Variants in GNAS observed in about 807,000 individuals in gnomAD.
GNAS encodes protein ALEX.
A neutral mutation model predicts 54.5 loss-of-function variants in GNAS; 8 were observed. The ratio of observed to expected loss-of-function variants is 0.15; its 90% CI spans 0.09 to 0.26. The LOEUF is 0.26. Ranked by LOEUF, GNAS falls within the 10% of genes least tolerant of loss-of-function variation. GNAS has a pLI of 1.00. For synonymous variants in GNAS, 204 were observed against 191.4 expected (o/e 1.07, Z -0.54); for missense variants, 170 against 529.8 (o/e 0.32, Z 6.67).
At chr20:58,902,752 T>TTTTTTTTTTC (rs1416078298) in intron 3 of GNAS, among the ~76,000 whole-genome samples, 1 of 128,204 alleles carries the variant, frequency 7.8e-6, no homozygotes, top group Non-Finnish European at 1.7e-5. Flanking sequence ...TTTTTTTTTT[T>TTTTTTTTTTC]TGACAGAGTC....
intron 1 of GNAS, among the ~76,000 whole-genome samples, chr20:58,871,699 GAGAA>G (rs1489831165): frequency 3.3e-4 from 46 of 139,704 alleles, no homozygotes; most frequent in African/African-American, 1.2e-3. Context: ...AAAGGAAAGA[GAGAA>G]GGAAGGAAGA....
intron 1 of GNAS, chr20:58,864,261 C>T (rs905020595): frequency 1.3e-5 from 2 of 152,072 alleles, no homozygotes; most frequent in Admixed American, 6.5e-5. Flanking sequence ...CATCTGTGTC[C>T]GAGGGATTTA....
In GNAS at chr20:58,891,539, C is replaced by A. The variant is rs1391782773; in HGVS notation, c.-188C>A. On this transcript the variant is annotated 5_prime_UTR_variant, in exon 1 of 13. Coordinates refer to ENST00000371085, the MANE Select transcript of GNAS (RefSeq NM_000516.7). ...GCCCCTCGGTCCGACCGACACCCTC[C>A]CCTTCCCGCCCGTCCGCGCGCCCCG... 2 of 976,258 alleles carry A rather than the reference C, an allele frequency of 2.0e-6. No individual in the cohort carries two copies. The highest frequency in any genetic ancestry group is 1.2e-6 in the Non-Finnish European group (1 of 824,742). The allele number at this position is 976,258 out of a possible 1,614,324, so 60.5% of individuals were successfully genotyped here.
chr20:58,850,730 C>T (rs2086126485), intron 1 of GNAS: 5 of 398,764 alleles, frequency 1.3e-5, no homozygotes, highest in Admixed American at 8.8e-5. Flanking sequence ...AGGGTTGGCC[C>T]CTGGGACCCC....
intron 6 of GNAS, among the ~76,000 whole-genome samples, chr20:58,906,201 G>A (rs1387619725): frequency 6.6e-6 from 1 of 152,254 alleles, no homozygotes; most frequent in Non-Finnish European, 1.5e-5. Context: ...AAGGCCTGCA[G>A]TAGCAATGGG....
chr20:58,868,260 C>A (rs1255405632), intron 1 of GNAS, among the ~76,000 whole-genome samples: 1 of 152,066 alleles, frequency 6.6e-6, no homozygotes, highest in Non-Finnish European at 1.5e-5. Context: ...CTCAGGTGAT[C>A]CCCCTGCCTC....
Position 58,891,698 on chromosome 20 carries a change from G to T in GNAS, c.-29G>T. The T allele has an allele frequency of 9.8e-7, 1 of 1,024,558 alleles. No homozygotes were observed. The allele number at this position is 1,024,558 out of a possible 1,614,324, so 63.5% of individuals were successfully genotyped here. A position where few individuals can be genotyped will look rare whatever the true frequency, so the allele number is the denominator to read the frequency against. On this transcript the variant is annotated 5_prime_UTR_variant, in exon 1 of 13. Coordinates refer to ENST00000371085, the MANE Select transcript of GNAS (RefSeq NM_000516.7). ...CCCGCGCCCGCCGCCGCCGCAGCCC[G>T]GCCGCGCCCCGCCGCCGCCGCCGCC... is the stretch of plus-strand genomic sequence containing the variant.
intron 1 of GNAS, chr20:58,855,907 G>A (rs1040095779): frequency 2.0e-6 from 1 of 495,282 alleles, no homozygotes; most frequent in African/African-American, 1.9e-5. Flanking sequence ...ACTTGGGAAC[G>A]GGCTGTGTTG....
At chr20:58,840,657 A>C (rs1421588186), upstream of GNAS, 1 of 1,605,230 alleles carries the variant, frequency 6.2e-7, no homozygotes, top group Non-Finnish European at 8.5e-7. This position sits in a 1 kb window ranked among gnomAD's most constrained non-coding sequence, Gnocchi z 6.0. Flanking sequence ...AGCACTCAGG[A>C]GCCCCAGAGC....
intron 1 of GNAS, among the ~76,000 whole-genome samples, chr20:58,881,163 T>C (rs1256796547): frequency 6.6e-6 from 1 of 152,208 alleles, no homozygotes; most frequent in African/African-American, 2.4e-5. Flanking sequence ...GAGAATGACA[T>C]TAAATTATCC....
intron 1 of GNAS, chr20:58,842,350 T>C (rs1007162925): frequency 1.5e-5 from 6 of 397,872 alleles, no homozygotes; most frequent in Admixed American, 8.8e-5. Context: ...TTTGGAGGAA[T>C]AGTAAAGCGT....
chr20:58,855,153 G>C (rs1027570021), intron 1 of GNAS: 33 of 1,612,856 alleles, frequency 2.0e-5, no homozygotes, highest in Non-Finnish European at 2.7e-5. Flanking sequence ...CCAGCCCAAA[G>C]CCTCGCGCTC....
At position 58,855,058 on chromosome 20, in the gene GNAS, G is replaced by A. The variant is rs1387287647; in HGVS notation, c.43+14172G>A. 5 of 1,613,042 alleles carry A rather than the reference G, an allele frequency of 3.1e-6. No homozygotes were observed. In the Admixed American group the frequency reaches 8.3e-5, roughly 27 times the overall value. On this transcript the variant is annotated intron_variant, in intron 1 of 12. Transcript: ENST00000306090. The stretch of plus-strand genomic sequence containing the variant: ...CGCTGGTTTCAGCATCGGCGAAATC[G>A]CCGCCGCCGAAAGCCCCAGCGCAAC...
chr20:58,842,186 C>A (rs2085762783), intron 1 of GNAS: 1 of 398,550 alleles, frequency 2.5e-6, no homozygotes. Flanking sequence ...AACGCACCTT[C>A]GGAAGGGAAG....
intron 1 of GNAS, among the ~76,000 whole-genome samples, chr20:58,885,671 T>C: frequency 6.6e-6 from 1 of 152,270 alleles, no homozygotes; most frequent in East Asian, 1.9e-4. Flanking sequence ...AGAACTTTTA[T>C]GGTCTAAAGT....
chr20:58,882,176 C>G (rs1468408155), intron 1 of GNAS, among the ~76,000 whole-genome samples: 1 of 152,222 alleles, frequency 6.6e-6, no homozygotes, highest in Non-Finnish European at 1.5e-5. Flanking sequence ...TCACGCCATT[C>G]TCCCGCCTCA....
chr20:58,889,221 G>A (rs2088856410), upstream of GNAS: 2 of 965,894 alleles, frequency 2.1e-6, no homozygotes, highest in African/African-American at 4.5e-5. Flanking sequence ...CAGGTGGCTG[G>A]CCGGCGCGGC....
At chr20:58,904,527 A>T (rs537294813) in intron 5 of GNAS, among the ~76,000 whole-genome samples, 8 of 152,382 alleles carry the variant, frequency 5.2e-5, no homozygotes, top group Non-Finnish European at 8.8e-5. Context: ...CGTGGGGAGA[A>T]TGGCTTATAA....
At chr20:58,862,980 A>G (rs2086859626) in intron 1 of GNAS, among the ~76,000 whole-genome samples, 1 of 151,654 alleles carries the variant, frequency 6.6e-6, no homozygotes, top group Non-Finnish European at 1.5e-5. Flanking sequence ...AAAAAAAAAG[A>G]AAGAAAGAAA....
Sources: gnomAD v4.1 joint callset for allele counts (sites outside exome capture counted in the v4.1 genomes callset) on GRCh38, gnomAD v4.1.1 for gene constraint, Gnocchi (gnomAD v3.1) non-coding constraint, MANE v1.5 for transcripts, NCBI Gene and HGNC (gene_info 2026-07-23, HGNC 2026-07-21) for gene names.